The following RBFOX1 variants were observed in gnomAD, a reference collection of about 807,000 sequenced individuals.
The protein encoded by RBFOX1 is RNA binding protein fox-1 homolog 1.
A neutral mutation model predicts 57.7 loss-of-function variants in RBFOX1; 8 were observed. The ratio of observed to expected loss-of-function variants is 0.14; its 90% CI spans 0.08 to 0.25. The LOEUF is 0.25. RBFOX1 is among the 10% of genes least tolerant of loss of function. The probability of loss-of-function intolerance (pLI) is 1.00; values close to 1 mark genes in which losing one functional copy is unlikely to be tolerated. For missense variants in RBFOX1, 611 were observed against 548.5 expected (o/e 1.11, Z -1.14); for synonymous variants, 326 against 222.4 (o/e 1.47, Z -4.15).
chr16:5,344,867 G>A (rs2065106623), intron 1 of RBFOX1, among the ~76,000 whole-genome samples: 1 of 152,212 alleles, frequency 6.6e-6, no homozygotes, highest in Non-Finnish European at 1.5e-5. Context: ...ATGATCTGAT[G>A]AAGGCATGTT....
At chr16:6,732,752 C>T (rs569328754) in intron 3 of RBFOX1, among the ~76,000 whole-genome samples, 10 of 152,294 alleles carry the variant, frequency 6.6e-5, no homozygotes, top group African/African-American at 1.9e-4. Flanking sequence ...CACATTCTGC[C>T]AGTGCCTCTG....
intron 2 of RBFOX1, among the ~76,000 whole-genome samples, chr16:6,348,762 C>G (rs1352013548): frequency 6.6e-6 from 1 of 152,050 alleles, no homozygotes; most frequent in African/African-American, 2.4e-5. Context: ...ATGGTGCTAA[C>G]CATTCATGAA....
intron 4 of RBFOX1, among the ~76,000 whole-genome samples, chr16:7,108,859 T>A (rs1045236458): frequency 6.6e-6 from 1 of 152,170 alleles, no homozygotes; most frequent in Non-Finnish European, 1.5e-5. Flanking sequence ...AGTCATGATA[T>A]ATATTTATGG....
intron 4 of RBFOX1, among the ~76,000 whole-genome samples, chr16:7,336,588 G>C (rs2096792674): frequency 6.6e-6 from 1 of 152,226 alleles, no homozygotes; most frequent in Non-Finnish European, 1.5e-5. Flanking sequence ...TCTAGTGGAA[G>C]AACTAGTAGG....
In RBFOX1 at chr16:6,839,147, G is replaced by A. The variant is rs187542205; in HGVS notation, c.-16+184497G>A. Among the ~76,000 whole-genome samples, 35 of 143,266 alleles carry A rather than the reference G, an allele frequency of 2.4e-4. No individual in the cohort carries two copies. In the East Asian group the frequency reaches 3.1e-3, roughly 13 times the overall value. The allele number at this position is 143,266 out of a possible 152,430, so 94.0% of individuals were successfully genotyped here. ...TTACAGGCACACACCACCACACCCA[G>A]CTAATTTTTGTATTTCTTGTAGAGA... On this transcript the variant is annotated intron_variant, in intron 3 of 15. Transcript: ENST00000550418.
chr16:5,706,875 T>C (rs979155335), intron 3 of RBFOX1, among the ~76,000 whole-genome samples: 3 of 151,944 alleles, frequency 2.0e-5, no homozygotes, highest in Non-Finnish European at 4.4e-5. Flanking sequence ...GGATACAGGA[T>C]TTAGGGTGGG....
chr16:6,274,978 A>G (rs1488746759), intron 1 of RBFOX1, among the ~76,000 whole-genome samples: 1 of 152,176 alleles, frequency 6.6e-6, no homozygotes, highest in African/African-American at 2.4e-5. Context: ...GTGCTGTGAA[A>G]ACTTTTAGCT....
chr16:5,913,412 G>A (rs1176338260), intron 4 of RBFOX1, among the ~76,000 whole-genome samples: 1 of 152,230 alleles, frequency 6.6e-6, no homozygotes, highest in African/African-American at 2.4e-5. Flanking sequence ...GTTGCCTCAT[G>A]AATGGCTTGG....
intron 3 of RBFOX1, among the ~76,000 whole-genome samples, chr16:6,800,433 G>C (rs2085131079): frequency 1.3e-5 from 2 of 152,030 alleles, no homozygotes; most frequent in Non-Finnish European, 2.9e-5. Context: ...GCATTGCCTG[G>C]GGATCTTGCT....
intron 3 of RBFOX1, among the ~76,000 whole-genome samples, chr16:6,725,073 C>G (rs1461499616): frequency 3.3e-5 from 3 of 90,544 alleles, no homozygotes; most frequent in Non-Finnish European, 4.1e-5. Flanking sequence ...TTTTTTGAGA[C>G]AAAGTCTTGC....
downstream of RBFOX1, among the ~76,000 whole-genome samples, chr16:5,604,322 C>T (rs2047481700): frequency 1.3e-5 from 2 of 152,186 alleles, no homozygotes; most frequent in African/African-American, 4.8e-5. Flanking sequence ...CTTAGGTTCT[C>T]ACCAAGCTGC....
intron 3 of RBFOX1, among the ~76,000 whole-genome samples, chr16:6,951,590 T>C (rs2080772745): frequency 6.6e-6 from 1 of 152,114 alleles, no homozygotes; most frequent in Non-Finnish European, 1.5e-5. Flanking sequence ...TGTACCTTGT[T>C]CTCATCTCTC....
intron 1 of RBFOX1, among the ~76,000 whole-genome samples, chr16:5,419,470 T>A (rs2067251138): frequency 6.6e-6 from 1 of 151,986 alleles, no homozygotes; most frequent in African/African-American, 2.4e-5. Flanking sequence ...CCCACCCAGA[T>A]TGAGGGTGGG....
chr16:6,241,590 G>A (rs935633993), intron 1 of RBFOX1, among the ~76,000 whole-genome samples: 2 of 152,162 alleles, frequency 1.3e-5, no homozygotes, highest in Non-Finnish European at 2.9e-5. Flanking sequence ...GAAATGAACA[G>A]CCTGTGAATT....
At chr16:6,354,115 G>T (rs555240607) in intron 2 of RBFOX1, among the ~76,000 whole-genome samples, 1 of 152,074 alleles carries the variant, frequency 6.6e-6, no homozygotes, top group African/African-American at 2.4e-5. Context: ...AGCTACTGGG[G>T]AGGCTGAGGT....
At chr16:6,431,931 TTCTTTCTTTC>T (rs937944731) in intron 2 of RBFOX1, among the ~76,000 whole-genome samples, 14 of 151,064 alleles carry the variant, frequency 9.3e-5, no homozygotes, top group African/African-American at 3.2e-4. Context: ...CTTTCTTTCT[TTCTTTCTTTC>T]TTTCTTTCTT....
Position 5,712,923 on chromosome 16 carries a change from G to T in RBFOX1, c.318+113962G>T, listed in dbSNP as rs1596903379. ...TATTGACTAGTCATGTTTTTCCATG[G>T]AGATTGAACCCAGCTCCAAATGCTG... On this transcript the variant is annotated intron_variant, in intron 3 of 19. Transcript: ENST00000641259. 2.0e-5 allele frequency among the ~76,000 whole-genome samples: 3 copies of T among 152,248 alleles called. No individual in the cohort carries two copies. In the South Asian group the frequency reaches 6.2e-4, roughly 32 times the overall value.
chr16:5,691,989 C>T (rs939466656), intron 3 of RBFOX1, among the ~76,000 whole-genome samples: 18 of 149,478 alleles, frequency 1.2e-4, no homozygotes, highest in African/African-American at 4.4e-4. Context: ...TTCACCTCTG[C>T]TAAGAATGTG....
chr16:6,867,751 T>C (rs138867943), intron 3 of RBFOX1, among the ~76,000 whole-genome samples: 12 of 152,262 alleles, frequency 7.9e-5, no homozygotes, highest in African/African-American at 2.6e-4. Flanking sequence ...TATCAGTTAA[T>C]GTGTGAATTA....
Sources: gnomAD v4.1 joint callset for allele counts (sites outside exome capture counted in the v4.1 genomes callset) on GRCh38, gnomAD v4.1.1 for gene constraint, MANE v1.5 for transcripts, NCBI Gene and HGNC (gene_info 2026-07-23, HGNC 2026-07-21) for gene names.